MALRD1: variants seen among roughly 807,000 people sequenced by gnomAD.
The protein encoded by MALRD1 is MAM and LDL receptor class A domain containing 1.
MALRD1 carries 247 observed loss-of-function variants against 242.1 expected under a neutral mutation model. That is an observed-to-expected ratio of 1.02 (90% CI 0.92 to 1.13). The LOEUF (loss-of-function observed/expected upper bound fraction) is 1.13, where lower values mean the gene tolerates loss of function less well. Ranked by LOEUF, MALRD1 falls within the 50% of genes most tolerant of loss-of-function variation. MALRD1 has a pLI of 0.00. For synonymous variants in MALRD1, 995 were observed against 866.6 expected (o/e 1.15, Z -2.60); for missense variants, 2,989 against 2,533.1 (o/e 1.18, Z -3.86).
intron 28 of MALRD1, among the ~76,000 whole-genome samples, chr10:19,446,698 A>G (rs1413792732): frequency 6.6e-6 from 1 of 152,242 alleles, no homozygotes; most frequent in African/African-American, 2.4e-5. Flanking sequence ...GTGAGGAATC[A>G]ATTCAAAATT....
intron 12 of MALRD1, among the ~76,000 whole-genome samples, chr10:19,163,087 G>T (rs758348602): frequency 1.5e-5 from 2 of 131,014 alleles, no homozygotes; most frequent in East Asian, 4.9e-4. Flanking sequence ...GCAGTGAGCC[G>T]TGATCATGCC....
intron 2 of MALRD1, among the ~76,000 whole-genome samples, chr10:19,067,249 T>C (rs1043905510): frequency 3.9e-5 from 6 of 152,168 alleles, no homozygotes; most frequent in Non-Finnish European, 5.9e-5. Context: ...TGATTTCAGC[T>C]CTGTCTGGTA....
In MALRD1 at chr10:19,204,418, A is replaced by C; in HGVS notation, c.2210+5A>C. On this transcript the variant is annotated splice_donor_5th_base_variant and intron_variant, in intron 16 of 39. Transcript: ENST00000454679. Reference sequence around the variant, plus strand: ...TGGATGCATACTTTCCTTCTGGTAAATATTAAACAAATATTTAAACAATAT... The same window carrying C: ...TGGATGCATACTTTCCTTCTGGTAACTATTAAACAAATATTTAAACAATAT... 6.5e-7 allele frequency: 1 copy of C among 1,529,884 alleles called. No homozygotes were observed. The highest frequency in any genetic ancestry group is 1.2e-5 in the South Asian group (1 of 82,156). 94.8% of individuals were successfully genotyped at this position (1,529,884 alleles called of 1,614,324 possible). A position where few individuals can be genotyped will look rare whatever the true frequency, so the allele number is the denominator to read the frequency against.
At chr10:19,628,853 C>T (rs1172382023) in intron 36 of MALRD1, among the ~76,000 whole-genome samples, 1 of 152,138 alleles carries the variant, frequency 6.6e-6, no homozygotes, top group Non-Finnish European at 1.5e-5. Context: ...CTGCTTCTAA[C>T]AAAGTGTCCT....
intron 24 of MALRD1, among the ~76,000 whole-genome samples, chr10:19,334,579 T>A (rs1014207582): frequency 6.6e-6 from 1 of 152,094 alleles, no homozygotes; most frequent in Admixed American, 6.6e-5. Flanking sequence ...AACTTATTCT[T>A]TACAGTTATA....
chr10:19,613,168 A>G (rs1396432143), intron 35 of MALRD1, among the ~76,000 whole-genome samples: 1 of 151,958 alleles, frequency 6.6e-6, no homozygotes, highest in Non-Finnish European at 1.5e-5. Context: ...ATGATGTCAA[A>G]ATGACTTGAG....
intron 24 of MALRD1, among the ~76,000 whole-genome samples, chr10:19,344,265 C>T (rs936305123): frequency 2.6e-5 from 4 of 151,940 alleles, no homozygotes; most frequent in Non-Finnish European, 1.5e-5. Context: ...CCTTTGTGTT[C>T]TTTAAAAAGT....
At chr10:19,339,029 G>A (rs1469232959) in intron 24 of MALRD1, among the ~76,000 whole-genome samples, 1 of 147,608 alleles carries the variant, frequency 6.8e-6, no homozygotes, top group African/African-American at 2.6e-5. Flanking sequence ...AGCACGTCAG[G>A]GTGACTATAC....
At chr10:19,377,687 G>T (rs896068500) in intron 26 of MALRD1, among the ~76,000 whole-genome samples, 11 of 151,370 alleles carry the variant, frequency 7.3e-5, no homozygotes, top group Non-Finnish European at 1.5e-4. Context: ...AATGAATTAA[G>T]AACAAATTTG....
intron 34 of MALRD1, among the ~76,000 whole-genome samples, chr10:19,599,727 C>T (rs1178881797): frequency 2.0e-5 from 3 of 152,184 alleles, no homozygotes; most frequent in Middle Eastern, 3.4e-3. Context: ...GGTTTTATCA[C>T]CTGTAGACCA....
intron 26 of MALRD1, among the ~76,000 whole-genome samples, chr10:19,369,233 T>A (rs2130738364): frequency 6.8e-6 from 1 of 146,540 alleles, no homozygotes; most frequent in Admixed American, 6.9e-5. Context: ...TGTATATAAA[T>A]ATATTTATAT....
intron 12 of MALRD1, among the ~76,000 whole-genome samples, chr10:19,159,425 G>A (rs180846220): frequency 6.0e-4 from 91 of 152,058 alleles, no homozygotes; most frequent in African/African-American, 2.1e-3. Flanking sequence ...CAGCAAGTGT[G>A]GCAATAAGCA....
chr10:19,130,599 C>T (rs1051255671), intron 8 of MALRD1, among the ~76,000 whole-genome samples: 2 of 151,898 alleles, frequency 1.3e-5, no homozygotes, highest in Non-Finnish European at 2.9e-5. Context: ...TTAATCTGCT[C>T]TGAAAATGAG....
chr10:19,721,538 A>G (rs1046578428), intron 38 of MALRD1: 13 of 152,190 alleles, frequency 8.5e-5, no homozygotes, highest in African/African-American at 3.1e-4. Context: ...ATGGTTAGGA[A>G]ACATCTCTCC....
chr10:19,648,407 A>G (rs1374900617), intron 36 of MALRD1, among the ~76,000 whole-genome samples: 2 of 152,196 alleles, frequency 1.3e-5, no homozygotes, highest in East Asian at 3.9e-4. Flanking sequence ...CACCAGGGAA[A>G]GTTTGGAGGT....
At position 19,479,958 on chromosome 10, in the gene MALRD1, C is replaced by T. The variant is rs76359265; in HGVS notation, c.5030-11559C>T. On this transcript the variant is annotated intron_variant, in intron 29 of 39. Transcript: ENST00000454679. ...CATTCCATGGGTTAGAACTCAGCCTCATGATCTTACCTAGTAGCAAAAGGA... is the reference window on the plus strand; with the variant it reads ...CATTCCATGGGTTAGAACTCAGCCTTATGATCTTACCTAGTAGCAAAAGGA... 1.5e-3 allele frequency among the ~76,000 whole-genome samples: 235 copies of T among 152,266 alleles called. 4 individuals carry two copies. In the East Asian group the frequency reaches 0.031, roughly 20 times the overall value.
chr10:19,293,976 C>T (rs146803833), intron 21 of MALRD1, among the ~76,000 whole-genome samples: 3 of 151,936 alleles, frequency 2.0e-5, no homozygotes, highest in Non-Finnish European at 2.9e-5. Context: ...TGAAAATATA[C>T]GAACCATATC....
chr10:19,646,054 T>C (rs1840642614), intron 36 of MALRD1, among the ~76,000 whole-genome samples: 1 of 152,218 alleles, frequency 6.6e-6, no homozygotes, highest in South Asian at 2.1e-4. Context: ...GCAAATTATT[T>C]TTATAATAAA....
At chr10:19,681,695 C>T (rs183905862) in intron 36 of MALRD1, among the ~76,000 whole-genome samples, 2 of 152,200 alleles carry the variant, frequency 1.3e-5, no homozygotes, top group African/African-American at 2.4e-5. Context: ...CAGTTCTGTG[C>T]CCTTGCTAGA....
Sources: gnomAD v4.1 joint callset for allele counts (sites outside exome capture counted in the v4.1 genomes callset) on GRCh38, gnomAD v4.1.1 for gene constraint, MANE v1.5 for transcripts, NCBI Gene and HGNC (gene_info 2026-07-23, HGNC 2026-07-21) for gene names.